The following WWOX variants were observed in gnomAD, a reference collection of about 807,000 sequenced individuals.
The protein encoded by WWOX is WW domain containing oxidoreductase, also known as WW domain-containing oxidoreductase.
In WWOX, 69 loss-of-function variants were observed where a neutral mutation model predicts 46.2. That is an observed-to-expected ratio of 1.49 (90% CI 1.23 to 1.82). The LOEUF is 1.82. WWOX is among the 40% of genes most tolerant of loss of function. WWOX has a pLI of 0.00. For synonymous variants in WWOX, 359 were observed against 202.6 expected (o/e 1.77, Z -6.56); for missense variants, 919 against 542.6 (o/e 1.69, Z -6.89).
At chr16:78,124,849 C>A (rs141512863) in intron 4 of WWOX, among the ~76,000 whole-genome samples, 1 of 152,098 alleles carries the variant, frequency 6.6e-6, no homozygotes, top group Non-Finnish European at 1.5e-5. Flanking sequence ...GACAAGGTTT[C>A]TTCACTAGAC....
At chr16:79,050,461 C>T (rs973529544) in intron 8 of WWOX, among the ~76,000 whole-genome samples, 7 of 152,156 alleles carry the variant, frequency 4.6e-5, no homozygotes, top group Non-Finnish European at 1.0e-4. Context: ...CAAGTCTAGA[C>T]CCAGAACTGG....
rs1430203826 is a variant in WWOX, at chr16:78,349,125, C to G, written c.517-37735C>G. On this transcript the variant is annotated intron_variant, in intron 5 of 8. Transcript: ENST00000566780. ...ACAGTTGATGTCTTCTGAGGTCTACCTCGTCTGCTTGCAGACAGCCGCCTT... is the reference window on the plus strand; with the variant it reads ...ACAGTTGATGTCTTCTGAGGTCTACGTCGTCTGCTTGCAGACAGCCGCCTT... 4.4e-4 allele frequency among the ~76,000 whole-genome samples: 53 copies of G among 120,738 alleles called. 19 individuals are homozygous for G. The highest frequency in any genetic ancestry group is 8.9e-4 in the Non-Finnish European group (45 of 50,548). The allele number at this position is 120,738 out of a possible 152,430, so 79.2% of individuals were successfully genotyped here. A position where few individuals can be genotyped will look rare whatever the true frequency, so the allele number is the denominator to read the frequency against.
chr16:78,331,095 T>A (rs56858262), intron 5 of WWOX, among the ~76,000 whole-genome samples: 16,563 of 152,250 alleles, frequency 0.11, 1,122 homozygotes, highest in East Asian at 0.23. Context: ...ATAGATTTTT[T>A]TCAAAGTCTG....
chr16:78,824,454 C>G (rs756630545), intron 8 of WWOX, among the ~76,000 whole-genome samples: 3 of 152,126 alleles, frequency 2.0e-5, no homozygotes, highest in Admixed American at 1.3e-4. Context: ...CAGATACTTT[C>G]CTAGGTGCTG....
chr16:78,863,709 C>T (rs148587032), intron 8 of WWOX, among the ~76,000 whole-genome samples: 22 of 152,286 alleles, frequency 1.4e-4, no homozygotes, highest in African/African-American at 4.8e-4. Flanking sequence ...TCTGTTGAAC[C>T]GGCAAAACAA....
intron 8 of WWOX, among the ~76,000 whole-genome samples, chr16:79,086,733 A>G (rs756134418): frequency 3.0e-4 from 45 of 152,256 alleles, no homozygotes; most frequent in Admixed American, 6.5e-4. Flanking sequence ...ATAAAAAGAA[A>G]TTAGCCAGGC....
chr16:78,892,534 C>G (rs974769685), intron 8 of WWOX, among the ~76,000 whole-genome samples: 1 of 152,206 alleles, frequency 6.6e-6, no homozygotes, highest in East Asian at 1.9e-4. Context: ...GGGAGCTGGA[C>G]GACAACATTC....
At chr16:78,495,658 G>A (rs902374319) in intron 8 of WWOX, among the ~76,000 whole-genome samples, 1 of 151,620 alleles carries the variant, frequency 6.6e-6, no homozygotes, top group Admixed American at 6.6e-5. Context: ...ACAGGCCAAC[G>A]CCACGGCACC....
intron 8 of WWOX, among the ~76,000 whole-genome samples, chr16:79,186,097 G>A (rs2051009146): frequency 6.6e-6 from 1 of 152,074 alleles, no homozygotes; most frequent in Non-Finnish European, 1.5e-5. Context: ...GCCTGTGGCT[G>A]TGGGCCTCTG....
chr16:78,136,734 C>G (rs2033803313), intron 4 of WWOX, among the ~76,000 whole-genome samples: 1 of 152,164 alleles, frequency 6.6e-6, no homozygotes, highest in Non-Finnish European at 1.5e-5. Flanking sequence ...AAGTTACTAC[C>G]TAACTGAGCA....
intron 8 of WWOX, among the ~76,000 whole-genome samples, chr16:79,074,379 A>AATCTCAT (rs1225584404): frequency 7.2e-6 from 1 of 139,792 alleles, no homozygotes; most frequent in African/African-American, 2.6e-5. Flanking sequence ...CTCAAAGCCG[A>AATCTCAT]ATCTCATCCT....
chr16:79,195,269 A>T (rs964561234), intron 8 of WWOX, among the ~76,000 whole-genome samples: 6 of 152,088 alleles, frequency 3.9e-5, no homozygotes, highest in African/African-American at 9.7e-5. Context: ...CTGTAGGGGA[A>T]CGTAGCAAGC....
chr16:78,675,385 C>G (rs1370572721), intron 8 of WWOX, among the ~76,000 whole-genome samples: 1 of 152,132 alleles, frequency 6.6e-6, no homozygotes, highest in Non-Finnish European at 1.5e-5. Context: ...ATAATATTTA[C>G]AGAAACTCAT....
At chr16:78,923,183 G>A (rs1270077960) in intron 8 of WWOX, among the ~76,000 whole-genome samples, 6 of 151,934 alleles carry the variant, frequency 3.9e-5, no homozygotes, top group African/African-American at 7.3e-5. Context: ...GTTTCTCCAT[G>A]TTGGTCAGGC....
intron 8 of WWOX, among the ~76,000 whole-genome samples, chr16:78,966,997 C>T (rs34014974): frequency 0.064 from 9,671 of 152,240 alleles, 418 homozygotes; most frequent in Non-Finnish European, 0.096. Flanking sequence ...TTATTGTCTC[C>T]ACTGGAAGAA....
chr16:78,609,917 T>C (rs182645743), intron 8 of WWOX, among the ~76,000 whole-genome samples: 4 of 152,344 alleles, frequency 2.6e-5, no homozygotes, highest in Non-Finnish European at 4.4e-5. Flanking sequence ...ATTAAGAGCT[T>C]GTGCGTGTGT....
chr16:78,802,332 C>T (rs1310887867), intron 8 of WWOX, among the ~76,000 whole-genome samples: 1 of 146,314 alleles, frequency 6.8e-6, no homozygotes, highest in African/African-American at 2.5e-5. Flanking sequence ...CAGAAAGGAA[C>T]ATAAATTGTT....
intron 6 of WWOX, among the ~76,000 whole-genome samples, chr16:78,418,351 G>C (rs990464328): frequency 5.3e-5 from 8 of 150,366 alleles, no homozygotes; most frequent in African/African-American, 2.0e-4. Flanking sequence ...GCAGGAGACA[G>C]AGTAAGACTC....
intron 8 of WWOX, among the ~76,000 whole-genome samples, chr16:78,582,497 A>G (rs896679712): frequency 3.9e-5 from 6 of 152,316 alleles, no homozygotes; most frequent in Middle Eastern, 3.4e-3. Flanking sequence ...CTTTTGGTGT[A>G]TGATGACAGT....
Sources: gnomAD v4.1 joint callset for allele counts (sites outside exome capture counted in the v4.1 genomes callset) on GRCh38, gnomAD v4.1.1 for gene constraint, MANE v1.5 for transcripts, NCBI Gene and HGNC (gene_info 2026-07-23, HGNC 2026-07-21) for gene names.